Variants in USP40 observed in about 807,000 individuals in gnomAD.
USP40 encodes ubiquitin specific peptidase 40.
USP40 carries 143 observed loss-of-function variants against 166.2 expected under a neutral mutation model. The observed-to-expected ratio is 0.86, with a 90% CI of 0.75 to 0.99. The LOEUF is 0.99. Ranked by LOEUF, USP40 falls within the 50% of genes least tolerant of loss-of-function variation. The probability of loss-of-function intolerance (pLI) is 0.00; values close to 1 mark genes in which losing one functional copy is unlikely to be tolerated. For synonymous variants in USP40, 498 were observed against 524.0 expected (o/e 0.95, Z 0.68); for missense variants, 1,444 against 1,479.7 (o/e 0.98, Z 0.40).
intron 19 of USP40, chr2:233,512,156 G>T: frequency 5.1e-6 from 1 of 194,768 alleles, no homozygotes; most frequent in Non-Finnish European, 1.0e-5. Context: ...TTAAAGTTGA[G>T]ATTGTTATTA....
At chr2:233,501,170 ACAAT>A (rs1385418660) in intron 21 of USP40, among the ~76,000 whole-genome samples, 2 of 152,230 alleles carry the variant, frequency 1.3e-5, no homozygotes, top group East Asian at 1.9e-4. Context: ...TTTAAGAAAA[ACAAT>A]CAAACAATTG....
At chr2:233,555,731 G>GT (rs986661215) in intron 5 of USP40, among the ~76,000 whole-genome samples, 5 of 150,606 alleles carry the variant, frequency 3.3e-5, no homozygotes, top group African/African-American at 1.2e-4. Flanking sequence ...CACCTCCCGG[G>GT]TTCAAGCGAT....
intron 3 of USP40, chr2:233,560,889 C>G: frequency 3.3e-6 from 2 of 606,678 alleles, no homozygotes; most frequent in Non-Finnish European, 6.0e-6. Flanking sequence ...GGATGTTCTG[C>G]AAATATTTCC....
At chr2:233,516,118 A>G (rs1452767381) in intron 18 of USP40, among the ~76,000 whole-genome samples, 1 of 152,124 alleles carries the variant, frequency 6.6e-6, no homozygotes, top group Admixed American at 6.5e-5. Flanking sequence ...TTCTTTGCCC[A>G]CTGGCTGAAA....
intron 1 of USP40, among the ~76,000 whole-genome samples, chr2:233,566,189 G>A (rs1178566992): frequency 6.6e-6 from 1 of 152,018 alleles, no homozygotes; most frequent in Non-Finnish European, 1.5e-5. Context: ...GGGCGGGGAA[G>A]ACTGCCACTA....
Position 233,481,254 on chromosome 2 carries a change from T to G in USP40, c.3548A>C (p.Asp1183Ala). Residue 1183 changes from aspartate to alanine, a missense_variant, in exon 31 of 32, where the codon GAT becomes GCT. By Grantham distance (126) the Asp-to-Ala change is moderately radical (BLOSUM62 -2). Transcript: ENST00000678225. ...DDDDDFSTIR[D>A]DTGKEKQKQR... ...TTTCTGCTTTTCTTTTCCAGTGTCA[T>G]CTCTGATTGTACTGAAATCATCATC... 6.2e-7 allele frequency: 1 copy of G among 1,608,156 alleles called. No individual in the cohort carries two copies. Among genetic ancestry groups the G allele is most frequent in the Non-Finnish European group, 8.5e-7 (1 of 1,177,118 alleles).
At chr2:233,483,127 C>A (rs534281001) in intron 30 of USP40, among the ~76,000 whole-genome samples, 1 of 152,168 alleles carries the variant, frequency 6.6e-6, no homozygotes, top group East Asian at 1.9e-4. Context: ...TTTCCTTTGA[C>A]GAACAAAAGT....
chr2:233,520,252 T>A (rs889541257), intron 17 of USP40, among the ~76,000 whole-genome samples: 1 of 152,040 alleles, frequency 6.6e-6, no homozygotes, highest in African/African-American at 2.4e-5. Flanking sequence ...CACCCCACAT[T>A]GTGAAAAGAA....
Position 233,493,511 on chromosome 2 carries a change from C to T in USP40, c.2831G>A (p.Gly944Asp). Residue 944 changes from glycine (G) to aspartate (D), a missense_variant, in exon 25 of 32, where the codon GGT becomes GAT. Coordinates refer to ENST00000678225, the MANE Select transcript of USP40 (RefSeq NM_001365479.2). This position sits in a 1 kb window ranked among gnomAD's most constrained non-coding sequence, Gnocchi z 4.7. ...ATGACTCTCCCAGTGTCCTGAGGGA[C>T]CCTGAAGCTGGTACCACCAGATGGG... The part of the protein sequence containing the change: ...KVPIWWYQLQ[G>D]PSGHWESHQD... 6.2e-7 allele frequency: 1 copy of T among 1,613,562 alleles called. No individual in the cohort carries two copies. The highest frequency in any genetic ancestry group is 1.1e-5 in the South Asian group (1 of 90,978).
chr2:233,547,939 T>TAGGGAGACTTGTCCTACCAGAGATCAA (rs1443103813), intron 8 of USP40, among the ~76,000 whole-genome samples: 7 of 152,004 alleles, frequency 4.6e-5, no homozygotes, highest in Non-Finnish European at 7.4e-5. Flanking sequence ...TGACAGCATG[T>TAGGGAGACTTGTCCTACCAGAGATCAA]AGGGAGACTT....
In USP40 at chr2:233,549,194, G is replaced by A; in HGVS notation, c.873C>T (p.Leu291=). 1 of 1,519,694 alleles carries A rather than the reference G, an allele frequency of 6.6e-7. No individual in the cohort carries two copies. The highest frequency in any genetic ancestry group is 9.1e-7 in the Non-Finnish European group (1 of 1,103,822). The allele number at this position is 1,519,694 out of a possible 1,614,324, so 94.1% of individuals were successfully genotyped here. A position where few individuals can be genotyped will look rare whatever the true frequency, so the allele number is the denominator to read the frequency against. The part of the protein sequence containing the change: ...ELDDLEYIYD[L]FSVIIHKGGC... ...CACCTTTGTGTATAATAACTGAGAA[G>A]AGGTCATATATATATTCTAAGTCAT... Residue 291 remains leucine (L), a synonymous_variant, in exon 8 of 32, where the codon CTC becomes CTT. Transcript: ENST00000678225.
At chr2:233,522,068 G>A (rs2067696341) in intron 16 of USP40, among the ~76,000 whole-genome samples, 1 of 152,142 alleles carries the variant, frequency 6.6e-6, no homozygotes, top group South Asian at 2.1e-4. Flanking sequence ...GACTTGCCTA[G>A]GAGCACAGTT....
At position 233,512,626 on chromosome 2, in the gene USP40, T is replaced by C. The variant is rs763921071; in HGVS notation, c.2384-4A>G. On this transcript the variant is annotated splice_polypyrimidine_tract_variant and splice_region_variant and intron_variant, in intron 18 of 31. Coordinates refer to ENST00000678225, the MANE Select transcript of USP40 (RefSeq NM_001365479.2). Reference sequence around the variant, plus strand: ...GGTCTCAAACAGCTGTTGTCAGCTATATATAAAAGGAATATTATTTTTCTT... The same window carrying C: ...GGTCTCAAACAGCTGTTGTCAGCTACATATAAAAGGAATATTATTTTTCTT... The C allele has an allele frequency of 1.4e-5, 18 of 1,297,132 alleles. No homozygotes were observed. Among genetic ancestry groups the C allele is most frequent in the Admixed American group, 6.7e-5 (3 of 44,922 alleles). 80.4% of individuals were successfully genotyped at this position (1,297,132 alleles called of 1,614,324 possible).
At chr2:233,563,870 T>C (rs1206870876) in intron 2 of USP40, among the ~76,000 whole-genome samples, 1 of 152,108 alleles carries the variant, frequency 6.6e-6, no homozygotes, top group Non-Finnish European at 1.5e-5. Context: ...GGACTCTCAG[T>C]ACTACTCTTG....
intron 4 of USP40, 25 bp from the exon 5 acceptor site, chr2:233,557,044 G>A (rs2071161518): frequency 6.3e-7 from 1 of 1,583,560 alleles, no homozygotes; most frequent in African/African-American, 1.4e-5. Context: ...ACTTTTAGAT[G>A]TAATTCCGGG....
At position 233,489,848 on chromosome 2, in the gene USP40, C is replaced by A. The variant is rs541237217; in HGVS notation, c.3013-365G>T. ...CGCTCTAACAGTACAACAAGGGACA[C>A]AACAGCAGCCTTCTTCCGTGCCCGC... On this transcript the variant is annotated intron_variant, in intron 26 of 31. Transcript: ENST00000678225. 8 of 166,114 alleles carry A rather than the reference C, an allele frequency of 4.8e-5. No individual in the cohort carries two copies. In the South Asian group the frequency reaches 9.6e-4, roughly 20 times the overall value. 10.3% of individuals were successfully genotyped at this position (166,114 alleles called of 1,614,324 possible).
intron 18 of USP40, among the ~76,000 whole-genome samples, chr2:233,517,820 G>A (rs1455195674): frequency 1.4e-5 from 2 of 146,296 alleles, no homozygotes; most frequent in Non-Finnish European, 3.0e-5. Context: ...GTGTGTGTGT[G>A]TGTGTATGAT....
intron 12 of USP40, 64 bp from the exon 13 acceptor site, chr2:233,527,642 A>C: frequency 2.4e-5 from 32 of 1,353,724 alleles, no homozygotes; most frequent in Middle Eastern, 2.6e-4. Flanking sequence ...GTTTTATCTC[A>C]AACCAAAGAT....
At chr2:233,521,561 A>C (rs572136980) in intron 16 of USP40, among the ~76,000 whole-genome samples, 1 of 152,348 alleles carries the variant, frequency 6.6e-6, no homozygotes, top group South Asian at 2.1e-4. Context: ...TGTATACTGC[A>C]TTTCTACATA....
Sources: allele counts gnomAD v4.1 joint callset (sites outside exome capture counted in the v4.1 genomes callset), GRCh38; gene constraint gnomAD v4.1.1; non-coding constraint Gnocchi (gnomAD v3.1); transcripts MANE v1.5; gene names NCBI Gene and HGNC (gene_info 2026-07-23, HGNC 2026-07-21).